Variants in WIZ observed in about 807,000 individuals in gnomAD.
WIZ encodes protein Wiz.
WIZ carries 25 observed loss-of-function variants against 140.2 expected under a neutral mutation model. The observed-to-expected ratio is 0.18, with a 90% CI of 0.13 to 0.25. The LOEUF is 0.25. WIZ is among the 10% of genes least tolerant of loss of function. WIZ has a pLI of 1.00. For missense variants in WIZ, 2,231 were observed against 2,632.6 expected (o/e 0.85, Z 3.34); for synonymous variants, 1,125 against 1,154.3 (o/e 0.97, Z 0.51).
rs534900632 is a variant in WIZ, at chr19:15,432,741, G to A, written c.2741-1559C>T. On this transcript the variant is annotated intron_variant, in intron 5 of 12. Coordinates refer to ENST00000673675, the MANE Select transcript of WIZ (RefSeq NM_001371589.1). Reference sequence around the variant, plus strand: ...CGCACGCGGGGCGGCCGCCCCAGGCGGGAGCAGCTGAGCGCCGAGTGCCGA... The same window carrying A: ...CGCACGCGGGGCGGCCGCCCCAGGCAGGAGCAGCTGAGCGCCGAGTGCCGA... Among the ~76,000 whole-genome samples the A allele has an allele frequency of 3.9e-3, 583 of 151,334 alleles. 6 individuals carry two copies. Among genetic ancestry groups the A allele is most frequent in the African/African-American group, 0.014 (560 of 41,392 alleles).
At position 15,428,085 on chromosome 19, in the gene WIZ, G is replaced by A. The variant is rs1968967903; in HGVS notation, c.3814+25C>T. 1 of 1,532,442 alleles carries A rather than the reference G, an allele frequency of 6.5e-7. No homozygotes were observed. 94.9% of individuals were successfully genotyped at this position (1,532,442 alleles called of 1,614,324 possible). A position where few individuals can be genotyped will look rare whatever the true frequency, so the allele number is the denominator to read the frequency against. ...GGGGCTCCAGGGCCCGCAGTGAGGAGGGGGCAGCTGAAGCGAGAACCTACA... is the reference window on the plus strand; with the variant it reads ...GGGGCTCCAGGGCCCGCAGTGAGGAAGGGGCAGCTGAAGCGAGAACCTACA... On this transcript the variant is annotated intron_variant, in intron 8 of 12. Transcript: ENST00000673675. The surrounding 1 kb of genome is among the most constrained non-coding windows in gnomAD (Gnocchi z 6.4).
chr19:15,437,024 C>T lies in WIZ; in HGVS notation c.2522G>A (p.Arg841His), dbSNP rs1413163007. ...GLSSHARAHLRDFGITNWELT... is the reference protein window; with the variant it reads ...GLSSHARAHLHDFGITNWELT... Reference sequence around the variant, plus strand: ...CTCCCAGTTGGTGATACCGAAGTCACGTAGGTGGGCCCGGGCGTGGCTGGA... The same window carrying T: ...CTCCCAGTTGGTGATACCGAAGTCATGTAGGTGGGCCCGGGCGTGGCTGGA... The change falls in exon 5 of 13, where the codon CGT becomes CAT. Residue 841 changes from arginine to histidine, a missense_variant. Physicochemically the swap from Arg to His is conservative, Grantham distance 29. Around this residue, in one of 15 missense-constraint regions of WIZ, gnomAD observed 118 missense variants for 209.1 expected, o/e 0.56. Coordinates refer to ENST00000673675, the MANE Select transcript of WIZ (RefSeq NM_001371589.1). 4.3e-6 allele frequency: 7 copies of T among 1,613,694 alleles called. No homozygotes were observed. The highest frequency in any genetic ancestry group is 4.0e-5 in the African/African-American group (3 of 74,898).
Position 15,424,254 on chromosome 19 carries a change from G to T in WIZ, c.5439C>A (p.Pro1813=). 6.3e-7 allele frequency: 1 copy of T among 1,588,614 alleles called. No homozygotes were observed. Among genetic ancestry groups the T allele is most frequent in the Non-Finnish European group, 8.5e-7 (1 of 1,170,490 alleles). The change falls in exon 12 of 13, where the codon CCC becomes CCA. Residue 1813 remains proline (P), a synonymous_variant. Transcript: ENST00000673675. This position sits in a 1 kb window ranked among gnomAD's most constrained non-coding sequence, Gnocchi z 9.7. ...RQPPPRVRPV[P]SLVPRPPQTS... is the part of the protein sequence containing the mutation. ...TCTGGGGGGGCCGGGGCACCAGGGA[G>T]GGGACTGGCCGGACTCGGGGTGGGG...
At chr19:15,446,601 G>A (rs903632353) in intron 2 of WIZ, among the ~76,000 whole-genome samples, 2 of 152,160 alleles carry the variant, frequency 1.3e-5, no homozygotes, top group African/African-American at 2.4e-5. Flanking sequence ...GCCTTGGCAT[G>A]TACACAGCCC....
chr19:15,426,637 C>G (rs1483176047), intron 9 of WIZ, among the ~76,000 whole-genome samples: 1 of 152,236 alleles, frequency 6.6e-6, no homozygotes. Flanking sequence ...CACTGCCAGT[C>G]CCTACGCTCC....
At chr19:15,426,536 CTG>C (rs1216619735) in intron 9 of WIZ, among the ~76,000 whole-genome samples, 2 of 152,212 alleles carry the variant, frequency 1.3e-5, no homozygotes, top group African/African-American at 2.4e-5. Flanking sequence ...TAAAGCTAGA[CTG>C]TGGAGGAACA....
At chr19:15,444,107 A>T (rs1969837026) in intron 2 of WIZ, among the ~76,000 whole-genome samples, 1 of 152,230 alleles carries the variant, frequency 6.6e-6, no homozygotes, top group Non-Finnish European at 1.5e-5. Flanking sequence ...AGCCCGACAG[A>T]TGCAATTGTT....
Position 15,439,922 on chromosome 19 carries a change from C to T in WIZ, c.1072G>A (p.Gly358Ser), listed in dbSNP as rs975529706. 1 of 1,531,070 alleles carries T rather than the reference C, an allele frequency of 6.5e-7. No homozygotes were observed. The highest frequency in any genetic ancestry group is 1.4e-5 in the African/African-American group (1 of 72,862). The allele number at this position is 1,531,070 out of a possible 1,614,324, so 94.8% of individuals were successfully genotyped here. ...DLAPLACGEC[G>S]WAFADPTALE... ...GCAGTGGGGTCAGCAAAGGCCCAGCCACACTCCCCGCAGGCCAGCGGGGCC... is the reference window on the plus strand; with the variant it reads ...GCAGTGGGGTCAGCAAAGGCCCAGCTACACTCCCCGCAGGCCAGCGGGGCC... Residue 358 changes from glycine (G) to serine (S), a missense_variant, in exon 4 of 13, where the codon GGC (glycine) becomes AGC (serine). Physicochemically the swap from Gly to Ser is moderately conservative, Grantham distance 56. Around this residue, in one of 15 missense-constraint regions of WIZ, gnomAD observed 475 missense variants for 520.2 expected, o/e 0.91. Transcript: ENST00000673675. This position sits in a 1 kb window ranked among gnomAD's most constrained non-coding sequence, Gnocchi z 7.0.
At chr19:15,441,512 G>C (rs1969745021) in intron 3 of WIZ, among the ~76,000 whole-genome samples, 1 of 152,228 alleles carries the variant, frequency 6.6e-6, no homozygotes, top group South Asian at 2.1e-4. Context: ...TGACCCCGCA[G>C]GGTGTAGGGT....
At position 15,427,665 on chromosome 19, in the gene WIZ, G is replaced by T; in HGVS notation, c.3815-132C>A. Reference sequence around the variant, plus strand: ...GGTTAGGGTGGTGAGGGCAGGTGCAGGTAAGGGAGTGGAGGAGCGGGGCTG... The same window carrying T: ...GGTTAGGGTGGTGAGGGCAGGTGCATGTAAGGGAGTGGAGGAGCGGGGCTG... On this transcript the variant is annotated intron_variant, in intron 8 of 12. Coordinates refer to ENST00000673675, the MANE Select transcript of WIZ (RefSeq NM_001371589.1). The surrounding 1 kb of genome is among the most constrained non-coding windows in gnomAD (Gnocchi z 6.4). 9.5e-7 allele frequency: 1 copy of T among 1,052,372 alleles called. No homozygotes were observed. The highest frequency in any genetic ancestry group is 1.3e-6 in the Non-Finnish European group (1 of 747,104). The allele number at this position is 1,052,372 out of a possible 1,614,324, so 65.2% of individuals were successfully genotyped here.
rs1473493287 is a variant in WIZ at position 15,438,804 on chromosome 19, C to T, written c.2190G>A (p.Leu730=). The T allele has an allele frequency of 2.0e-6, 3 of 1,518,216 alleles. No individual in the cohort carries two copies. The highest frequency in any genetic ancestry group is 4.0e-5 in the Admixed American group (2 of 50,120). 94.0% of individuals were successfully genotyped at this position (1,518,216 alleles called of 1,614,324 possible). ...LLLDAPLGGP[L]GLDTLLDGDP... is the part of the protein sequence containing the mutation. Reference sequence around the variant, plus strand: ...CCCCATCCAGGAGTGTGTCCAGCCCCAGCGGGCCGCCCAGCGGCGCGTCCA... The same window carrying T: ...CCCCATCCAGGAGTGTGTCCAGCCCTAGCGGGCCGCCCAGCGGCGCGTCCA... The change falls in exon 4 of 13, where the codon CTG becomes CTA. Residue 730 remains leucine (L), a synonymous_variant. Coordinates refer to ENST00000673675, the MANE Select transcript of WIZ (RefSeq NM_001371589.1).
chr19:15,449,403 C>G (rs1970032314), intron 1 of WIZ: 1 of 152,364 alleles, frequency 6.6e-6, no homozygotes, highest in African/African-American at 2.4e-5. Flanking sequence ...TGGGCACTGC[C>G]CGCGGGGAAC....
Position 15,425,791 on chromosome 19 carries a change from GGAA to G in WIZ, c.4367-26_4367-24del, listed in dbSNP as rs753204021. 36 of 1,323,876 alleles carry G rather than the reference GGAA, an allele frequency of 2.7e-5. No homozygotes were observed. In the East Asian group the frequency reaches 2.8e-4, roughly 10 times the overall value. The allele number at this position is 1,323,876 out of a possible 1,614,324, so 82.0% of individuals were successfully genotyped here. A position where few individuals can be genotyped will look rare whatever the true frequency, so the allele number is the denominator to read the frequency against. On this transcript the variant is annotated intron_variant, in intron 9 of 12. Transcript: ENST00000673675. ...ACGCTGCAGGGGATCCAGGGTAGGGGGAAGGAGGAGGAGGAGGAGGAGGAGGGA... is the reference window on the plus strand; with the variant it reads ...ACGCTGCAGGGGATCCAGGGTAGGGGGGAGGAGGAGGAGGAGGAGGAGGGA...
In WIZ at chr19:15,420,754, C is replaced by A. The variant is rs1477095763; in HGVS notation, c.*2322G>T. The stretch of plus-strand genomic sequence containing the variant: ...TGCATGATTGGTGGGGAGGAACTTG[C>A]CATATGACTTTATAAGCTCTTGTAT... On this transcript the variant is annotated 3_prime_UTR_variant, in exon 13 of 13. Coordinates refer to ENST00000673675, the MANE Select transcript of WIZ (RefSeq NM_001371589.1). 6.6e-6 allele frequency: 1 copy of A among 152,212 alleles called. No homozygotes were observed. Among genetic ancestry groups the A allele is most frequent in the Non-Finnish European group, 1.5e-5 (1 of 68,046 alleles). The allele number at this position is 152,212 out of a possible 1,614,324, so 9.4% of individuals were successfully genotyped here.
intron 1 of WIZ, among the ~76,000 whole-genome samples, chr19:15,448,618 C>T (rs1471630839): frequency 1.3e-5 from 2 of 152,084 alleles, no homozygotes; most frequent in Non-Finnish European, 2.9e-5. Context: ...CCTCAGTTTA[C>T]CCATATTGAC....
Position 15,440,136 on chromosome 19 carries a change from G to A in WIZ, c.858C>T (p.Thr286=), listed in dbSNP as rs752063812. 3.3e-5 allele frequency: 50 copies of A among 1,532,628 alleles called. No homozygotes were observed. Among genetic ancestry groups the A allele is most frequent in the Middle Eastern group, 3.3e-4 (2 of 5,978 alleles). 94.9% of individuals were successfully genotyped at this position (1,532,628 alleles called of 1,614,324 possible). The part of the protein sequence containing the change: ...RLQPLLPPIR[T]GPYLCELLEE... ...CCAGCAGCTCACACAGGTAGGGCCC[G>A]GTCCGGATCGGGGGCAGTAGCGGCT... The change falls in exon 4 of 13, where the codon ACC becomes ACT. Residue 286 remains threonine, a synonymous_variant. Transcript: ENST00000673675. This position sits in a 1 kb window ranked among gnomAD's most constrained non-coding sequence, Gnocchi z 6.2.
Position 15,438,943 on chromosome 19 carries a change from A to G in WIZ, c.2051T>C (p.Ile684Thr), listed in dbSNP as rs1451461965. 3 of 1,449,408 alleles carry G rather than the reference A, an allele frequency of 2.1e-6. No homozygotes were observed. The highest frequency in any genetic ancestry group is 1.4e-5 in the South Asian group (1 of 71,812). The allele number at this position is 1,449,408 out of a possible 1,614,324, so 89.8% of individuals were successfully genotyped here. A position where few individuals can be genotyped will look rare whatever the true frequency, so the allele number is the denominator to read the frequency against. The change falls in exon 4 of 13, where the codon ATT becomes ACT. Residue 684 changes from isoleucine to threonine, a missense_variant. By Grantham distance (89) the Ile-to-Thr change is moderately conservative (BLOSUM62 -1). This residue lies in a region of WIZ where 475 missense variants were observed against 520.2 expected (regional missense o/e 0.91). Transcript: ENST00000673675. ...QQQQLRGMVPIVLVAKLGPQV... is the reference protein window; with the variant it reads ...QQQQLRGMVPTVLVAKLGPQV... ...CGGCCCCAGCTTCGCCACGAGCACA[A>G]TGGGTACCATCCCTCGGAGCTGCTG...
intron 2 of WIZ, among the ~76,000 whole-genome samples, chr19:15,446,044 C>G (rs534585764): frequency 6.6e-6 from 1 of 152,156 alleles, no homozygotes; most frequent in Non-Finnish European, 1.5e-5. Context: ...CAAACCCAGG[C>G]ATTCTTCCAA....
At chr19:15,432,219 G>A (rs531351673) in intron 5 of WIZ, among the ~76,000 whole-genome samples, 2 of 152,136 alleles carry the variant, frequency 1.3e-5, no homozygotes, top group Admixed American at 6.5e-5. Flanking sequence ...AGGGACATCT[G>A]TCAGACGGGG....
Sources: allele counts gnomAD v4.1 joint callset (sites outside exome capture counted in the v4.1 genomes callset), GRCh38; gene constraint gnomAD v4.1.1; regional missense constraint gnomAD v4.1.1; non-coding constraint Gnocchi (gnomAD v3.1); transcripts MANE v1.5; gene names NCBI Gene and HGNC (gene_info 2026-07-23, HGNC 2026-07-21).